Variants in XPO4 observed in about 807,000 individuals in gnomAD.
XPO4 encodes the protein exportin-4.
A neutral mutation model predicts 143.0 loss-of-function variants in XPO4; 39 were observed. The observed-to-expected ratio is 0.27, with a 90% CI of 0.21 to 0.36. The LOEUF is 0.36. XPO4 is among the 10% of genes least tolerant of loss of function. The pLI, the probability that XPO4 is intolerant of heterozygous loss-of-function variation, is 1.00. For synonymous variants in XPO4, 439 were observed against 474.0 expected (o/e 0.93, Z 0.96); for missense variants, 907 against 1,348.0 (o/e 0.67, Z 5.12).
intron 1 of XPO4, among the ~76,000 whole-genome samples, chr13:20,878,778 T>C (rs2060378659): frequency 6.6e-6 from 1 of 152,212 alleles, no homozygotes; most frequent in African/African-American, 2.4e-5. Flanking sequence ...GATATCTTAA[T>C]ATTTTTAAAA....
At chr13:20,859,940 G>A (rs752872034) in intron 3 of XPO4, 10 of 711,542 alleles carry the variant, frequency 1.4e-5, no homozygotes, top group South Asian at 6.4e-5. Flanking sequence ...GGGGAATGGC[G>A]ACAAGGGGGA....
intron 3 of XPO4, chr13:20,860,026 G>A: frequency 6.0e-6 from 1 of 165,990 alleles, no homozygotes; most frequent in Non-Finnish European, 1.2e-5. Context: ...TGCTGGCCCT[G>A]ACTCCATAAG....
intron 1 of XPO4, among the ~76,000 whole-genome samples, chr13:20,889,612 T>C (rs943545289): frequency 1.3e-5 from 2 of 152,158 alleles, no homozygotes; most frequent in Non-Finnish European, 2.9e-5. Flanking sequence ...CTGCCCTAAA[T>C]GAATTTTCTC....
intron 4 of XPO4, chr13:20,852,102 C>A (rs2060095526): frequency 1.0e-6 from 1 of 985,240 alleles, no homozygotes; most frequent in African/African-American, 1.7e-5. Flanking sequence ...TGAGGGCAGG[C>A]CGCATAAATT....
At position 20,809,102 on chromosome 13, in the gene XPO4, A is replaced by G. The variant is rs2059543121; in HGVS notation, c.1474T>C (p.Cys492Arg). ...GTGTACCTTGTCAGAAGAGGTATAC[A>G]GTGTTCTGCAGCAATTCTTCCTAGC... ...GMLGRIAAEHCIPLLTSLLEE... is the reference protein window; with the variant it reads ...GMLGRIAAEHRIPLLTSLLEE... Residue 492 changes from cysteine to arginine, a missense_variant, in exon 11 of 23, where the codon TGT (cysteine) becomes CGT (arginine). By Grantham distance (180) the Cys-to-Arg change is radical. Transcript: ENST00000255305. The G allele has an allele frequency of 6.2e-7, 1 of 1,613,970 alleles. No individual in the cohort carries two copies. The highest frequency in any genetic ancestry group is 1.1e-5 in the South Asian group (1 of 91,076).
intron 13 of XPO4, among the ~76,000 whole-genome samples, chr13:20,802,994 A>G (rs1372118520): frequency 1.3e-5 from 2 of 152,236 alleles, no homozygotes; most frequent in Non-Finnish European, 1.5e-5. Context: ...TAGTACACGT[A>G]TCTTTGAATG....
intron 6 of XPO4, among the ~76,000 whole-genome samples, chr13:20,828,883 T>C (rs2059819470): frequency 6.6e-6 from 1 of 152,182 alleles, no homozygotes; most frequent in Admixed American, 6.5e-5. Flanking sequence ...TGTTGTGTTC[T>C]TCACCCAATA....
chr13:20,889,816 C>T (rs954472815), intron 1 of XPO4, among the ~76,000 whole-genome samples: 1 of 152,116 alleles, frequency 6.6e-6, no homozygotes, highest in African/African-American at 2.4e-5. Context: ...TTGCTTGATA[C>T]AGTTCGTAAG....
intron 12 of XPO4, 120 bp downstream of exon 12, chr13:20,808,316 G>T: frequency 9.3e-7 from 1 of 1,073,160 alleles, no homozygotes; most frequent in Non-Finnish European, 1.2e-6. Flanking sequence ...ACAGAAAATG[G>T]CTGTATCCAA....
intron 6 of XPO4, among the ~76,000 whole-genome samples, chr13:20,838,609 C>CAAAAA (rs36097222): frequency 2.3e-5 from 2 of 87,702 alleles, no homozygotes; most frequent in African/African-American, 4.3e-5. Flanking sequence ...GACTCCATCT[C>CAAAAA]AAAAAAAAAA....
chr13:20,856,236 T>C, intron 3 of XPO4: 1 of 701,324 alleles, frequency 1.4e-6, no homozygotes, highest in Non-Finnish European at 1.8e-6. Flanking sequence ...AATCTAATCC[T>C]AAATCCCATT....
At chr13:20,841,834 A>G (rs764457198) in intron 6 of XPO4, among the ~76,000 whole-genome samples, 2 of 151,548 alleles carry the variant, frequency 1.3e-5, no homozygotes, top group Non-Finnish European at 2.9e-5. Flanking sequence ...GTCCCATACT[A>G]GATCTCTGAT....
chr13:20,835,903 T>C (rs936452370), intron 6 of XPO4, among the ~76,000 whole-genome samples: 2 of 152,222 alleles, frequency 1.3e-5, no homozygotes, highest in Non-Finnish European at 2.9e-5. Context: ...ACATTTATGA[T>C]TGATCCACTT....
chr13:20,797,144 T>C, intron 16 of XPO4, 87 bp from the exon 17 acceptor site: 1 of 1,311,618 alleles, frequency 7.6e-7, no homozygotes, highest in Non-Finnish European at 1.0e-6. Flanking sequence ...TTCCAAAACA[T>C]TTCTAATTGT....
Position 20,800,340 on chromosome 13 carries a change from C to G in XPO4, c.1978-15G>C. 3.2e-6 allele frequency: 5 copies of G among 1,578,904 alleles called. No individual in the cohort carries two copies. The highest frequency in any genetic ancestry group is 4.3e-6 in the Non-Finnish European group (5 of 1,162,478). On this transcript the variant is annotated splice_polypyrimidine_tract_variant and intron_variant, in intron 14 of 22. Transcript: ENST00000255305. ...GGCAGACTTATCTTAAGAGAGGAAACAAATTTTTTAAGGTAAGCAAGAAAG... is the reference window on the plus strand; with the variant it reads ...GGCAGACTTATCTTAAGAGAGGAAAGAAATTTTTTAAGGTAAGCAAGAAAG...
chr13:20,825,268 T>C (rs989874154), intron 7 of XPO4, among the ~76,000 whole-genome samples: 1 of 152,198 alleles, frequency 6.6e-6, no homozygotes, highest in African/African-American at 2.4e-5. Flanking sequence ...ATGATTAACA[T>C]ATTTAAAGTC....
chr13:20,850,221 C>G lies in XPO4; in HGVS notation c.456+5406G>C, dbSNP rs186790617. 4 of 985,116 alleles carry G rather than the reference C, an allele frequency of 4.1e-6. No individual in the cohort carries two copies. The East Asian group carries it at 4.5e-4, about 112-fold the overall frequency. 61.0% of individuals were successfully genotyped at this position (985,116 alleles called of 1,614,324 possible). A position where few individuals can be genotyped will look rare whatever the true frequency, so the allele number is the denominator to read the frequency against. On this transcript the variant is annotated intron_variant, in intron 4 of 22. Transcript: ENST00000255305. Reference sequence around the variant, plus strand: ...ACACATGATTTATTATAGTTCACTTCCCGAGATTCTATGAAGAAAGCAGTG... The same window carrying G: ...ACACATGATTTATTATAGTTCACTTGCCGAGATTCTATGAAGAAAGCAGTG...
chr13:20,854,153 G>A (rs896655339), intron 4 of XPO4, among the ~76,000 whole-genome samples: 3 of 152,110 alleles, frequency 2.0e-5, no homozygotes. Context: ...GAATTTCTAA[G>A]GAAAACAAAA....
Position 20,902,661 on chromosome 13 carries a change from C to T in XPO4, c.69+9G>A. On this transcript the variant is annotated intron_variant, in intron 1 of 22. Transcript: ENST00000255305. ...GAATCCCGGGGTCTGAGGGGCGCGG[C>T]GTCCTCACCATCAGAACTTTAGCCG... The T allele has an allele frequency of 6.4e-7, 1 of 1,566,982 alleles. No homozygotes were observed. Among genetic ancestry groups the T allele is most frequent in the Non-Finnish European group, 8.6e-7 (1 of 1,157,202 alleles).
Sources: gnomAD v4.1 joint callset for allele counts (sites outside exome capture counted in the v4.1 genomes callset) on GRCh38, gnomAD v4.1.1 for gene constraint, MANE v1.5 for transcripts, NCBI Gene and HGNC (gene_info 2026-07-23, HGNC 2026-07-21) for gene names.